The following THBS4 variants were observed in gnomAD, a reference collection of about 807,000 sequenced individuals.
The protein encoded by THBS4 is thrombospondin-4.
THBS4 carries 90 observed loss-of-function variants against 115.7 expected under a neutral mutation model. The ratio of observed to expected loss-of-function variants is 0.78; its 90% CI spans 0.66 to 0.93. THBS4 has a LOEUF of 0.93. Among genes scored for constraint, THBS4 ranks in the 40% least tolerant of loss-of-function variants. The pLI is 0.00. For synonymous variants in THBS4, 460 were observed against 479.3 expected (o/e 0.96, Z 0.53); for missense variants, 1,087 against 1,232.7 (o/e 0.88, Z 1.77).
At chr5:80,031,414 C>A (rs1239732474), upstream of THBS4, among the ~76,000 whole-genome samples, 1 of 152,178 alleles carries the variant, frequency 6.6e-6, no homozygotes, top group Non-Finnish European at 1.5e-5. Flanking sequence ...CTCTGTATTA[C>A]AACAATTAGA....
chr5:80,013,341 G>A (rs1273616095), intron 2 of THBS4, among the ~76,000 whole-genome samples: 1 of 152,068 alleles, frequency 6.6e-6, no homozygotes, highest in Non-Finnish European at 1.5e-5. Context: ...GTTTCACCAT[G>A]TTGGTCAGGC....
chr5:80,071,977 G>A (rs912214166), intron 13 of THBS4: 4 of 320,606 alleles, frequency 1.2e-5, no homozygotes, highest in East Asian at 1.2e-4. Context: ...AGATACCCAC[G>A]AGATCCTCCC....
At chr5:80,006,356 T>C (rs1050103849) in intron 2 of THBS4, among the ~76,000 whole-genome samples, 8 of 152,218 alleles carry the variant, frequency 5.3e-5, no homozygotes, top group African/African-American at 1.9e-4. Context: ...TTTCACAAGA[T>C]CTGATAGTTT....
intron 11 of THBS4, 64 bp downstream of exon 11, chr5:80,070,474 T>C (rs1204059408): frequency 6.0e-6 from 9 of 1,500,414 alleles, no homozygotes; most frequent in Non-Finnish European, 8.3e-6. Flanking sequence ...ACATCTTCTA[T>C]GGGGAGAGGT....
chr5:80,044,224 G>A (rs1832989991), intron 2 of THBS4, among the ~76,000 whole-genome samples: 2 of 152,168 alleles, frequency 1.3e-5, no homozygotes, highest in Admixed American at 6.5e-5. Flanking sequence ...GCTCTCTTGA[G>A]ACAGGGACTA....
intron 2 of THBS4, among the ~76,000 whole-genome samples, chr5:80,002,706 T>G (rs1266035478): frequency 7.5e-6 from 1 of 134,146 alleles, no homozygotes; most frequent in Admixed American, 8.3e-5. Context: ...TTGGAGATAG[T>G]AGAGAAACAC....
intron 16 of THBS4, 128 bp downstream of exon 16, chr5:80,077,176 C>A: frequency 2.3e-6 from 2 of 876,540 alleles, no homozygotes; most frequent in East Asian, 2.7e-5. Flanking sequence ...TCTCTACACC[C>A]AGCTTCTCTG....
chr5:80,071,064 A>G lies in THBS4; in HGVS notation c.1604A>G (p.Asp535Gly). 6.2e-7 allele frequency: 1 copy of G among 1,613,374 alleles called. No individual in the cohort carries two copies. Among genetic ancestry groups the G allele is most frequent in the Non-Finnish European group, 8.5e-7 (1 of 1,179,886 alleles). The change falls in exon 13 of 22, where the codon GAT becomes GGT. Residue 535 changes from aspartate (D) to glycine (G), a missense_variant. By Grantham distance (94) the Asp-to-Gly change is moderately conservative. Around this residue, in one of 3 missense-constraint regions of THBS4, gnomAD observed 979 missense variants for 1,103.7 expected, o/e 0.89. Transcript: ENST00000350881. ...LIHNVDQRNS[D>G]KDIFGDACDN... The stretch of plus-strand genomic sequence containing the variant: ...CATAATGTGGACCAAAGGAACAGCG[A>G]TAAAGATATCTTTGGGGATGCCTGT...
chr5:80,076,211 TG>T (rs1325167863), intron 15 of THBS4: 1 of 152,268 alleles, frequency 6.6e-6, no homozygotes, highest in African/African-American at 2.4e-5. Flanking sequence ...CTGTTCACTT[TG>T]CCCTTCTCCC....
chr5:80,025,875 T>C (rs1832467637), intron 2 of THBS4, among the ~76,000 whole-genome samples: 1 of 152,224 alleles, frequency 6.6e-6, no homozygotes, highest in Non-Finnish European at 1.5e-5. Context: ...CATTAGTCAA[T>C]TTTTAAATGT....
intron 2 of THBS4, among the ~76,000 whole-genome samples, chr5:80,010,123 C>T (rs1452012493): frequency 6.6e-6 from 1 of 152,188 alleles, no homozygotes; most frequent in East Asian, 1.9e-4. Context: ...CAGTTCTGAT[C>T]TACAGTTCAT....
At chr5:80,057,822 AC>A (rs1463942695) in intron 3 of THBS4, among the ~76,000 whole-genome samples, 1 of 152,220 alleles carries the variant, frequency 6.6e-6, no homozygotes, top group Non-Finnish European at 1.5e-5. Flanking sequence ...AGCCAAGACA[AC>A]CAAAAAATAA....
chr5:80,001,707 C>T (rs1251504989), intron 2 of THBS4, among the ~76,000 whole-genome samples: 2 of 152,016 alleles, frequency 1.3e-5, no homozygotes, highest in African/African-American at 2.4e-5. Flanking sequence ...CTGAGAACTA[C>T]GTATAATTCA....
intron 9 of THBS4, 48 bp from the exon 10 acceptor site, chr5:80,067,925 C>T (rs1833890722): frequency 6.2e-7 from 1 of 1,602,022 alleles, no homozygotes; most frequent in Non-Finnish European, 8.5e-7. Context: ...TCAAACTGTA[C>T]CTTTGCCCAC....
chr5:80,032,545 C>G (rs1345121085), upstream of THBS4, among the ~76,000 whole-genome samples: 1 of 139,892 alleles, frequency 7.1e-6, no homozygotes, highest in Non-Finnish European at 1.5e-5. Context: ...AGTCCCAACA[C>G]CTCAAGTAGG....
chr5:80,046,296 G>C (rs1338256357), intron 2 of THBS4, among the ~76,000 whole-genome samples: 1 of 152,226 alleles, frequency 6.6e-6, no homozygotes, highest in African/African-American at 2.4e-5. Flanking sequence ...TCTCTTTAGT[G>C]AGATTAACTA....
chr5:80,078,141 C>T lies in THBS4; in HGVS notation c.2179C>T (p.Leu727=). ...DVCPENAEVT[L]TDFRAYQTVV... is the part of the protein sequence containing the mutation. ...CTGCCCAGAGAACGCAGAGGTCACC[C>T]TGACCGACTTCAGGGCTTACCAGAC... Residue 727 remains leucine (L), a synonymous_variant, in exon 17 of 22, where the codon CTG becomes TTG. Coordinates refer to ENST00000350881, the MANE Select transcript of THBS4 (RefSeq NM_003248.6). 2 of 1,612,766 alleles carry T rather than the reference C, an allele frequency of 1.2e-6. No homozygotes were observed. The highest frequency in any genetic ancestry group is 1.7e-6 in the Non-Finnish European group (2 of 1,179,234).
rs1580990973 is a variant in THBS4, at chr5:80,077,922, T to C, written c.2087-127T>C. On this transcript the variant is annotated intron_variant, in intron 16 of 21. Coordinates refer to ENST00000350881, the MANE Select transcript of THBS4 (RefSeq NM_003248.6). ...CCCAGGGCTCCTCTCCCAACACTGA[T>C]GGGAAATCATGGCCCTGGTTGTGGG... 3 of 810,292 alleles carry C rather than the reference T, an allele frequency of 3.7e-6. No individual in the cohort carries two copies. In the South Asian group the frequency reaches 8.3e-5, roughly 22 times the overall value. The allele number at this position is 810,292 out of a possible 1,614,324, so 50.2% of individuals were successfully genotyped here.
rs1310620481 is a variant in THBS4, at chr5:80,073,345, A to G, written c.1892+18A>G. The G allele has an allele frequency of 1.2e-6, 2 of 1,611,086 alleles. No homozygotes were observed. Among genetic ancestry groups the G allele is most frequent in the Non-Finnish European group, 1.7e-6 (2 of 1,178,158 alleles). ...CAGGACAGGTATGGCATGTCTCCCA[A>G]CTGCAGAGAGACAGATGCAAACATC... is the stretch of plus-strand genomic sequence containing the variant. On this transcript the variant is annotated intron_variant, in intron 15 of 21. Coordinates refer to ENST00000350881, the MANE Select transcript of THBS4 (RefSeq NM_003248.6).
Sources: allele counts gnomAD v4.1 joint callset (sites outside exome capture counted in the v4.1 genomes callset), GRCh38; gene constraint gnomAD v4.1.1; regional missense constraint gnomAD v4.1.1; transcripts MANE v1.5; gene names NCBI Gene and HGNC (gene_info 2026-07-23, HGNC 2026-07-21).